CERCAM: variants seen among roughly 807,000 people sequenced by gnomAD.
CERCAM encodes inactive glycosyltransferase 25 family member 3.
Under a neutral mutation model 66.0 loss-of-function variants are expected in CERCAM, and 59 were observed. That is an observed-to-expected ratio of 0.89 (90% CI 0.73 to 1.11). CERCAM has a LOEUF of 1.11. Ranked by LOEUF, CERCAM falls within the 50% of genes most tolerant of loss-of-function variation. The probability of loss-of-function intolerance (pLI) is 0.00; values close to 1 mark genes in which losing one functional copy is unlikely to be tolerated. For missense variants in CERCAM, 840 were observed against 828.3 expected, an observed-to-expected ratio of 1.01 and a Z score of -0.17; for synonymous variants, 318 against 343.6, an observed-to-expected ratio of 0.93 and a Z score of 0.83.
In CERCAM at chr9:128,428,967, G is replaced by A. The variant is rs771197914; in HGVS notation, c.1001G>A (p.Arg334Gln). 66 of 1,611,270 alleles carry A rather than the reference G, an allele frequency of 4.1e-5. 1 individual carries two copies. Among genetic ancestry groups the A allele is most frequent in the Middle Eastern group, 1.6e-4 (1 of 6,074 alleles). Residue 334 changes from arginine (R) to glutamine (Q), a missense_variant, in exon 8 of 13, where the codon CGG becomes CAG. Physicochemically the swap from Arg to Gln is conservative, Grantham distance 43. Coordinates refer to ENST00000372838, the MANE Select transcript of CERCAM (RefSeq NM_016174.5). ...AGCCTGGCTCGCAGGCCTGACCGTC[G>A]GGAACGCATGCTCGCCTCGCTCTGG... is the stretch of plus-strand genomic sequence containing the variant. Reference protein sequence around the residue: ...VISLARRPDRRERMLASLWEM... With the variant: ...VISLARRPDRQERMLASLWEM...
At chr9:128,433,984 G>C in intron 9 of CERCAM, 118 bp from the exon 10 acceptor site, 1 of 1,382,164 alleles carries the variant, frequency 7.2e-7, no homozygotes, top group Non-Finnish European at 9.8e-7. Flanking sequence ...AGGCTTTGGG[G>C]CAACTGCATG....
In CERCAM at chr9:128,424,530, C is replaced by A. The variant is rs1833792752; in HGVS notation, c.682C>A (p.Gln228Lys). The change falls in exon 5 of 13, where the codon CAG (glutamine) becomes AAG (lysine). Residue 228 changes from glutamine to lysine, a missense_variant. Coordinates refer to ENST00000372838, the MANE Select transcript of CERCAM (RefSeq NM_016174.5). Reference protein sequence around the residue: ...LASLRAEGADQLAFYPPHPNY... With the variant: ...LASLRAEGADKLAFYPPHPNY... ...ATCCCTGCGGGCTGAAGGGGCAGAC[C>A]AGCTTGCTTTCTACCCGCCACATCC... The A allele has an allele frequency of 1.2e-6, 2 of 1,614,100 alleles. No individual in the cohort carries two copies. The highest frequency in any genetic ancestry group is 1.7e-6 in the Non-Finnish European group (2 of 1,180,026).
At chr9:128,423,287 G>A (rs981405141) in intron 3 of CERCAM, 24 bp downstream of exon 3, 2 of 1,595,310 alleles carry the variant, frequency 1.3e-6, no homozygotes, top group Admixed American at 1.7e-5. Flanking sequence ...GCTAGAATCG[G>A]GCTTCTGAAA....
chr9:128,424,548 C>T lies in CERCAM; in HGVS notation c.700C>T (p.Pro234Ser). The T allele has an allele frequency of 6.2e-7, 1 of 1,614,214 alleles. No homozygotes were observed. Reference sequence around the variant, plus strand: ...GGCAGACCAGCTTGCTTTCTACCCGCCACATCCCAACTACACTTGGCCTTT... The same window carrying T: ...GGCAGACCAGCTTGCTTTCTACCCGTCACATCCCAACTACACTTGGCCTTT... ...EGADQLAFYPPHPNYTWPFDD... is the reference protein window; with the variant it reads ...EGADQLAFYPSHPNYTWPFDD... Residue 234 changes from proline to serine, a missense_variant, in exon 5 of 13, where the codon CCA (proline) becomes TCA (serine). Pro to Ser is a moderately conservative substitution (Grantham distance 74, BLOSUM62 -1). Coordinates refer to ENST00000372838, the MANE Select transcript of CERCAM (RefSeq NM_016174.5).
rs1833967296 is a variant in CERCAM, at chr9:128,431,226, C to T, written c.1126C>T (p.Gln376Ter). The change falls in exon 9 of 13, where the codon CAG becomes TAG. Residue 376 changes from glutamine to a stop codon, truncating the protein, a stop_gained. Coordinates refer to ENST00000372838, the MANE Select transcript of CERCAM (RefSeq NM_016174.5). LOFTEE classifies it high-confidence loss of function. The stretch of plus-strand genomic sequence containing the variant: ...CGGCGTAGACCTGCTCCCGGGCTAC[C>T]AGGACCCTTACTCGGGCCGCACTCT... Reference protein sequence around the residue: ...NLGVDLLPGYQDPYSGRTLTK... With the variant: ...NLGVDLLPGY 2 of 1,613,924 alleles carry T rather than the reference C, an allele frequency of 1.2e-6. No homozygotes were observed. Among genetic ancestry groups the T allele is most frequent in the Non-Finnish European group, 1.7e-6 (2 of 1,180,014 alleles).
chr9:128,431,570 T>A (rs1209538763), intron 9 of CERCAM: 1 of 417,996 alleles, frequency 2.4e-6, no homozygotes, highest in East Asian at 4.4e-5. Flanking sequence ...GCATGTCTGC[T>A]CCTTCCTGCA....
chr9:128,425,815 C>CTT lies in CERCAM; in HGVS notation c.766+1222_766+1223dup, dbSNP rs75397129. Among the ~76,000 whole-genome samples, 182 of 107,398 alleles carry CTT rather than the reference C, an allele frequency of 1.7e-3. 1 individual carries two copies. Among genetic ancestry groups the CTT allele is most frequent in the Middle Eastern group, 6.6e-3 (1 of 152 alleles). 70.5% of individuals were successfully genotyped at this position (107,398 alleles called of 152,430 possible). ...CATGGGCCACTGAGCCCAGCCCAGC[C>CTT]TTTTTTTTTTTTTTTTTTTTTTGAG... is the stretch of plus-strand genomic sequence containing the variant. On this transcript the variant is annotated intron_variant, in intron 5 of 12. Coordinates refer to ENST00000372838, the MANE Select transcript of CERCAM (RefSeq NM_016174.5).
chr9:128,431,363 A>G, intron 9 of CERCAM, 60 bp downstream of exon 9: 1 of 1,599,778 alleles, frequency 6.3e-7, no homozygotes. Context: ...AGTTTGTTCT[A>G]TTCACTGCTC....
In CERCAM at chr9:128,421,163, C is replaced by G. The variant is rs916700565; in HGVS notation, c.197+89C>G. 8.0e-6 allele frequency: 10 copies of G among 1,255,412 alleles called. No individual in the cohort carries two copies. The Admixed American group carries it at 1.7e-4, about 21-fold the overall frequency. The allele number at this position is 1,255,412 out of a possible 1,614,324, so 77.8% of individuals were successfully genotyped here. A position where few individuals can be genotyped will look rare whatever the true frequency, so the allele number is the denominator to read the frequency against. ...CCCCCGGCGGCCCTGTCTGCTCGCT[C>G]CCTGCCCAGACACCACCTAGACAGG... On this transcript the variant is annotated intron_variant, in intron 1 of 12. Transcript: ENST00000372838.
Position 128,424,393 on chromosome 9 carries a change from G to A in CERCAM, c.562-17G>A. The A allele has an allele frequency of 1.9e-6, 3 of 1,613,864 alleles. No homozygotes were observed. The highest frequency in any genetic ancestry group is 2.5e-6 in the Non-Finnish European group (3 of 1,179,978). ...CAGGGGAGCCCTCTCACAGCCCAAAGCATCCCTTTTCCCCAGGGCTACTAC... is the reference window on the plus strand; with the variant it reads ...CAGGGGAGCCCTCTCACAGCCCAAAACATCCCTTTTCCCCAGGGCTACTAC... On this transcript the variant is annotated splice_polypyrimidine_tract_variant and intron_variant, in intron 4 of 12. Coordinates refer to ENST00000372838, the MANE Select transcript of CERCAM (RefSeq NM_016174.5).
At chr9:128,428,614 G>A in intron 6 of CERCAM, 143 bp from the exon 7 acceptor site, 1 of 1,095,654 alleles carries the variant, frequency 9.1e-7, no homozygotes, top group Non-Finnish European at 1.4e-6. Flanking sequence ...AATGGGGGCA[G>A]GTGGATCCTG....
chr9:128,424,374 A>T, intron 4 of CERCAM, 36 bp from the exon 5 acceptor site: 1 of 1,612,440 alleles, frequency 6.2e-7, no homozygotes, highest in South Asian at 1.1e-5. Context: ...GGGGCAGGGG[A>T]GCCCTCTCAC....
intron 6 of CERCAM, 133 bp downstream of exon 6, chr9:128,428,554 G>T: frequency 8.1e-7 from 1 of 1,240,902 alleles, no homozygotes; most frequent in Non-Finnish European, 1.1e-6. Context: ...CTCGTTCCAT[G>T]ACTCTGAGAA....
rs750751766 is a variant in CERCAM, at chr9:128,434,271, C to A, written c.1331+42C>A. ...CTCAGGGACAAGGGGGCAGGGTGGG[C>A]CTCCGGAGTCTGCCTTTTCCTGCTT... On this transcript the variant is annotated intron_variant, in intron 10 of 12. Coordinates refer to ENST00000372838, the MANE Select transcript of CERCAM (RefSeq NM_016174.5). The surrounding 1 kb of genome is among the most constrained non-coding windows in gnomAD (Gnocchi z 4.5). 1 of 1,610,302 alleles carries A rather than the reference C, an allele frequency of 6.2e-7. No homozygotes were observed. The highest frequency in any genetic ancestry group is 1.3e-5 in the African/African-American group (1 of 74,766).
chr9:128,435,807 A>T lies in CERCAM; in HGVS notation c.1690A>T (p.Ser564Cys), dbSNP rs1275393231. The stretch of plus-strand genomic sequence containing the variant: ...GGATGATGACAGCGGCCGCCTCATC[A>T]GCTGGAGCGGCTCCCAAAAGACCCT... ...PWDDDSGRLI[S>C]WSGSQKTLRS... The change falls in exon 12 of 13, where the codon AGC (serine) becomes TGC (cysteine). Residue 564 changes from serine (S) to cysteine (C), a missense_variant. Physicochemically the swap from Ser to Cys is moderately radical, Grantham distance 112 (BLOSUM62 -1). Transcript: ENST00000372838. 6.2e-7 allele frequency: 1 copy of T among 1,612,052 alleles called. No individual in the cohort carries two copies. Among genetic ancestry groups the T allele is most frequent in the Non-Finnish European group, 8.5e-7 (1 of 1,179,528 alleles).
intron 8 of CERCAM, among the ~76,000 whole-genome samples, chr9:128,429,523 C>A (rs1833926350): frequency 6.6e-6 from 1 of 152,182 alleles, no homozygotes; most frequent in South Asian, 2.1e-4. Context: ...CCGAGGAACC[C>A]AGAGGCTAGG....
chr9:128,424,270 C>CA lies in CERCAM; in HGVS notation c.560dup (p.Tyr189LeufsTer36), dbSNP rs1564425683. 6.2e-7 allele frequency: 1 copy of CA among 1,614,010 alleles called. No homozygotes were observed. The highest frequency in any genetic ancestry group is 1.1e-5 in the South Asian group (1 of 91,080). On this transcript the variant is annotated frameshift_variant and splice_region_variant, in exon 4 of 13. Coordinates refer to ENST00000372838, the MANE Select transcript of CERCAM (RefSeq NM_016174.5). LOFTEE classifies it high-confidence loss of function. ...CAACTTCTGGTGTGGGATCACCCCCCAGGTGAGGCCGGGATGGGGGCCTTG... is the reference window on the plus strand; with the variant it reads ...CAACTTCTGGTGTGGGATCACCCCCCAAGGTGAGGCCGGGATGGGGGCCTTG...
chr9:128,427,201 C>T (rs1458040257), intron 5 of CERCAM, among the ~76,000 whole-genome samples: 1 of 152,010 alleles, frequency 6.6e-6, no homozygotes. Context: ...CAACCTCTGC[C>T]TCCCGGGTTC....
chr9:128,428,324 T>C lies in CERCAM; in HGVS notation c.789T>C (p.Asn263=), dbSNP rs1833893236. The C allele has an allele frequency of 1.2e-6, 2 of 1,614,044 alleles. No individual in the cohort carries two copies. Among genetic ancestry groups the C allele is most frequent in the African/African-American group, 1.3e-5 (1 of 75,042 alleles). ...CAGGGGTCTCCGTCCACGTGTGCAATGAGCACCGTTATGGGTACATGAATG... is the reference window on the plus strand; with the variant it reads ...CAGGGGTCTCCGTCCACGTGTGCAACGAGCACCGTTATGGGTACATGAATG... The part of the protein sequence containing the change: ...QAAGVSVHVC[N]EHRYGYMNVP... Residue 263 remains asparagine, a synonymous_variant, in exon 6 of 13, where the codon AAT becomes AAC. Transcript: ENST00000372838.
Sources: gnomAD v4.1 joint callset for allele counts (sites outside exome capture counted in the v4.1 genomes callset) on GRCh38, gnomAD v4.1.1 for gene constraint, Gnocchi (gnomAD v3.1) non-coding constraint, MANE v1.5 for transcripts, NCBI Gene and HGNC (gene_info 2026-07-23, HGNC 2026-07-21) for gene names.